The following GRM1 variants were observed in gnomAD, a reference collection of about 807,000 sequenced individuals.
The protein encoded by GRM1 is glutamate metabotropic receptor 1.
A neutral mutation model predicts 90.9 loss-of-function variants in GRM1; 33 were observed. The ratio of observed to expected loss-of-function variants is 0.36; its 90% CI spans 0.28 to 0.49. GRM1 has a LOEUF of 0.49. Among genes scored for constraint, GRM1 ranks in the 20% least tolerant of loss-of-function variants. GRM1 has a pLI of 0.99. For synonymous variants in GRM1, 700 were observed against 613.2 expected (o/e 1.14, Z -2.09); for missense variants, 1,190 against 1,534.3 (o/e 0.78, Z 3.75).
chr6:146,158,699 G>A (rs1777606344), intron 1 of GRM1, among the ~76,000 whole-genome samples: 1 of 152,152 alleles, frequency 6.6e-6, no homozygotes, highest in Non-Finnish European at 1.5e-5. Flanking sequence ...TGATTTCTAT[G>A]AGTTTTCAGT....
chr6:146,089,002 G>T (rs1191353813), intron 1 of GRM1, among the ~76,000 whole-genome samples: 1 of 152,076 alleles, frequency 6.6e-6, no homozygotes, highest in Non-Finnish European at 1.5e-5. Context: ...CCACCTTTGT[G>T]TAATTTCTTC....
chr6:146,128,222 T>A (rs1776267416), intron 1 of GRM1, among the ~76,000 whole-genome samples: 1 of 152,126 alleles, frequency 6.6e-6, no homozygotes, highest in Non-Finnish European at 1.5e-5. Context: ...TATGTCTCAA[T>A]GGAGGAGTTA....
chr6:146,220,684 T>A (rs1396665645), intron 2 of GRM1, among the ~76,000 whole-genome samples: 2 of 152,040 alleles, frequency 1.3e-5, no homozygotes, highest in Non-Finnish European at 2.9e-5. Context: ...ATAAACTGAG[T>A]TTCTCCCATG....
intron 3 of GRM1, among the ~76,000 whole-genome samples, chr6:146,305,811 A>G (rs543333479): frequency 4.4e-4 from 67 of 152,308 alleles, no homozygotes; most frequent in African/African-American, 1.3e-3. Context: ...TATAGCAAAC[A>G]AAGGGGGATA....
chr6:146,374,975 T>C (rs1231584440), intron 5 of GRM1, among the ~76,000 whole-genome samples: 2 of 152,038 alleles, frequency 1.3e-5, no homozygotes, highest in Non-Finnish European at 2.9e-5. Flanking sequence ...ATTTAAAGTT[T>C]TTTTCTCTTT....
At chr6:146,323,307 T>C (rs912055165) in intron 3 of GRM1, among the ~76,000 whole-genome samples, 4 of 152,230 alleles carry the variant, frequency 2.6e-5, no homozygotes, top group Admixed American at 1.3e-4. Flanking sequence ...TGATATCTCA[T>C]TGTGGTTTTG....
At chr6:146,120,422 C>A (rs1583029996) in intron 1 of GRM1, among the ~76,000 whole-genome samples, 1 of 152,104 alleles carries the variant, frequency 6.6e-6, no homozygotes, top group East Asian at 1.9e-4. Context: ...AATTGAATAC[C>A]CTTTATTTCT....
intron 2 of GRM1, among the ~76,000 whole-genome samples, chr6:146,189,649 T>G (rs1290637151): frequency 6.6e-6 from 1 of 152,168 alleles, no homozygotes; most frequent in South Asian, 2.1e-4. Flanking sequence ...GATAGGCACT[T>G]GATTGCAGTG....
At chr6:146,414,462 GGCACGATCTCGGCGCACT>G (rs1562682753) in intron 7 of GRM1, among the ~76,000 whole-genome samples, 1 of 151,520 alleles carries the variant, frequency 6.6e-6, no homozygotes, top group Non-Finnish European at 1.5e-5. Flanking sequence ...GGAGTGGAGT[GGCACGATCTCGGCGCACT>G]GCAAGCTCCG....
At chr6:146,362,505 C>A (rs1305488115) in intron 5 of GRM1, among the ~76,000 whole-genome samples, 1 of 151,754 alleles carries the variant, frequency 6.6e-6, no homozygotes, top group African/African-American at 2.4e-5. Flanking sequence ...TGGTGAAACC[C>A]CATCTCTACT....
At chr6:146,281,936 A>G (rs373036985) in intron 2 of GRM1, among the ~76,000 whole-genome samples, 2 of 152,234 alleles carry the variant, frequency 1.3e-5, no homozygotes, top group African/African-American at 4.8e-5. Context: ...AACTGTTATG[A>G]TACTGTATCT....
At chr6:146,100,251 G>A (rs1777005876) in intron 1 of GRM1, among the ~76,000 whole-genome samples, 1 of 152,098 alleles carries the variant, frequency 6.6e-6, no homozygotes, top group Non-Finnish European at 1.5e-5. Flanking sequence ...TTCTCATTGA[G>A]TTTACTGTGT....
chr6:146,433,234 C>T (rs1360673814), intron 7 of GRM1, among the ~76,000 whole-genome samples: 2 of 152,086 alleles, frequency 1.3e-5, no homozygotes, highest in African/African-American at 4.8e-5. Flanking sequence ...TTAAAAAAAT[C>T]AAAAGCTATG....
chr6:146,195,663 T>C (rs971726648), intron 2 of GRM1, among the ~76,000 whole-genome samples: 8 of 152,226 alleles, frequency 5.3e-5, no homozygotes, highest in Non-Finnish European at 1.2e-4. Flanking sequence ...GCAGTGAGGC[T>C]GATGTTTTGA....
chr6:146,095,186 C>G (rs1320762335), intron 1 of GRM1, among the ~76,000 whole-genome samples: 1 of 152,112 alleles, frequency 6.6e-6, no homozygotes, highest in Non-Finnish European at 1.5e-5. Context: ...CACCCAAAGA[C>G]AACCGACATG....
chr6:146,389,292 T>A (rs1207786718), intron 6 of GRM1, among the ~76,000 whole-genome samples: 1 of 152,044 alleles, frequency 6.6e-6, no homozygotes, highest in African/African-American at 2.4e-5. Context: ...GGTACAAAGA[T>A]TTTTCTCTTG....
At chr6:146,114,177 A>C (rs1404276633) in intron 1 of GRM1, among the ~76,000 whole-genome samples, 1 of 152,188 alleles carries the variant, frequency 6.6e-6, no homozygotes, top group Non-Finnish European at 1.5e-5. Flanking sequence ...TTTATTAAAA[A>C]CAGTTATGCT....
chr6:146,249,524 A>G (rs1781198014), intron 2 of GRM1, among the ~76,000 whole-genome samples: 1 of 152,310 alleles, frequency 6.6e-6, no homozygotes, highest in Middle Eastern at 3.4e-3. Context: ...CTATGGGTGC[A>G]CAGAAAACAT....
At chr6:146,140,076 T>A (rs1248241086) in intron 1 of GRM1, among the ~76,000 whole-genome samples, 1 of 142,030 alleles carries the variant, frequency 7.0e-6, no homozygotes, top group Non-Finnish European at 1.5e-5. Context: ...TCTTCTTTTC[T>A]CCTTTCTTTC....
Sources: allele counts gnomAD v4.1 joint callset (sites outside exome capture counted in the v4.1 genomes callset), GRCh38; gene constraint gnomAD v4.1.1; transcripts MANE v1.5; gene names NCBI Gene and HGNC (gene_info 2026-07-23, HGNC 2026-07-21).